Variants in TEDC2 observed in about 807,000 individuals in gnomAD.
The protein encoded by TEDC2 is tubulin epsilon and delta complex 2, also known as tubulin epsilon and delta complex protein 2.
TEDC2 carries 49 observed loss-of-function variants against 48.1 expected under a neutral mutation model. That is an observed-to-expected ratio of 1.02 (90% CI 0.81 to 1.29). The LOEUF (loss-of-function observed/expected upper bound fraction) is 1.29, where lower values mean the gene tolerates loss of function less well. Ranked by LOEUF, TEDC2 falls within the 50% of genes most tolerant of loss-of-function variation. TEDC2 has a pLI of 0.00. For missense variants in TEDC2, 631 were observed against 571.4 expected (o/e 1.10, Z -1.06); for synonymous variants, 299 against 247.1 (o/e 1.21, Z -1.97).
rs747762797 is a variant in TEDC2, at chr16:2,461,750, C to T, written c.609C>T (p.His203=). Residue 203 remains histidine (H), a synonymous_variant, in exon 5 of 10, where the codon CAC becomes CAT. Coordinates refer to ENST00000361837, the MANE Select transcript of TEDC2 (RefSeq NM_025108.3). The part of the protein sequence containing the change: ...PEAFTLKEKG[H]LLRLPAAFRK... ...TGAACACGGGCTTCTCCGACAGGCA[C>T]CTGCTGCGGCTGCCTGCGGCATTCA... 33 of 1,613,182 alleles carry T rather than the reference C, an allele frequency of 2.0e-5. No individual in the cohort carries two copies. In the East Asian group the frequency reaches 2.5e-4, roughly 12 times the overall value.
Position 2,462,720 on chromosome 16 carries a change from G to A in TEDC2, c.952G>A (p.Glu318Lys). Residue 318 changes from glutamate (E) to lysine (K), a missense_variant, in exon 8 of 10, where the codon GAG becomes AAG. By Grantham distance (56) the Glu-to-Lys change is moderately conservative (BLOSUM62 1). Transcript: ENST00000361837. ...GGGCCAGTGTCTGCACAGGCTGCAG[G>A]AGCTGCGTGCAGGTGAGACCCCGCC... ...MVGQCLHRLQ[E>K]LRAAVAEQPP... 1.9e-6 allele frequency: 3 copies of A among 1,542,088 alleles called. No individual in the cohort carries two copies. Among genetic ancestry groups the A allele is most frequent in the Non-Finnish European group, 2.6e-6 (3 of 1,146,228 alleles).
chr16:2,462,089 C>A, intron 5 of TEDC2, 60 bp from the exon 6 acceptor site: 1 of 1,559,206 alleles, frequency 6.4e-7, no homozygotes, highest in Non-Finnish European at 8.8e-7. Context: ...GCCCAGCTTA[C>A]TGGCTGGAAT....
chr16:2,462,010 C>T (rs1299592642), intron 5 of TEDC2, 139 bp from the exon 6 acceptor site: 2 of 1,105,464 alleles, frequency 1.8e-6, no homozygotes, highest in East Asian at 5.1e-5. Context: ...CTGGAGGCCC[C>T]TCCTGGCATT....
In TEDC2 at chr16:2,464,575, G is replaced by A. The variant is rs1443404330; in HGVS notation, c.1209G>A (p.Pro403=). ...TAAGCGCTGCACAGCCGCAGGGGCC[G>A]CCCTGGCTGGCCCTGTGCCGGGCTG... ...PLVSAAQPQG[P]PWLALCRAVH... is the part of the protein sequence containing the mutation. Residue 403 remains proline, a synonymous_variant, in exon 10 of 10, where the codon CCG becomes CCA. Transcript: ENST00000361837. The A allele has an allele frequency of 1.4e-5, 23 of 1,607,274 alleles. No homozygotes were observed. The highest frequency in any genetic ancestry group is 2.7e-5 in the African/African-American group (2 of 74,874).
At chr16:2,461,912 G>A (rs1334266183) in intron 5 of TEDC2, 112 bp downstream of exon 5, 4 of 1,375,580 alleles carry the variant, frequency 2.9e-6, no homozygotes, top group East Asian at 2.3e-5. Context: ...TCTTTGCTGA[G>A]TGGGATCACT....
At position 2,461,766 on chromosome 16, in the gene TEDC2, G is replaced by C; in HGVS notation, c.625G>C (p.Ala209Pro). ...KEKGHLLRLP[A>P]AFRKAASQNS... Reference sequence around the variant, plus strand: ...CGACAGGCACCTGCTGCGGCTGCCTGCGGCATTCAGGAAAGCAGCTTCCCA... The same window carrying C: ...CGACAGGCACCTGCTGCGGCTGCCTCCGGCATTCAGGAAAGCAGCTTCCCA... The change falls in exon 5 of 10, where the codon GCG becomes CCG. Residue 209 changes from alanine (A) to proline (P), a missense_variant. Coordinates refer to ENST00000361837, the MANE Select transcript of TEDC2 (RefSeq NM_025108.3). 1 of 1,613,358 alleles carries C rather than the reference G, an allele frequency of 6.2e-7. No individual in the cohort carries two copies. The highest frequency in any genetic ancestry group is 8.5e-7 in the Non-Finnish European group (1 of 1,180,004).
chr16:2,463,872 C>G, intron 8 of TEDC2, 167 bp from the exon 9 acceptor site: 1 of 722,668 alleles, frequency 1.4e-6, no homozygotes, highest in Non-Finnish European at 2.2e-6. Context: ...TCCCTGCCAG[C>G]AAGTCCAGGC....
Position 2,464,926 on chromosome 16 carries a change from G to A in TEDC2, c.*258G>A. On this transcript the variant is annotated 3_prime_UTR_variant, in exon 10 of 10. Coordinates refer to ENST00000361837, the MANE Select transcript of TEDC2 (RefSeq NM_025108.3). ...CTGTTTTCTCTCACTGTAGACCAAA[G>A]AGCCGCTTGTGTGATATTAAAGCCA... is the stretch of plus-strand genomic sequence containing the variant. The A allele has an allele frequency of 9.4e-6, 5 of 530,430 alleles. No individual in the cohort carries two copies. The South Asian group carries it at 1.1e-4, about 12-fold the overall frequency. 32.9% of individuals were successfully genotyped at this position (530,430 alleles called of 1,614,324 possible). A position where few individuals can be genotyped will look rare whatever the true frequency, so the allele number is the denominator to read the frequency against.
At chr16:2,462,349 A>G in intron 6 of TEDC2, 66 bp from the exon 7 acceptor site, 1 of 1,597,930 alleles carries the variant, frequency 6.3e-7, no homozygotes, top group Non-Finnish European at 8.5e-7. Context: ...GCCACTCCCC[A>G]GGCCCCGTTC....
chr16:2,464,605 C>A lies in TEDC2; in HGVS notation c.1239C>A (p.His413Gln). ...PPWLALCRAV[H>Q]SLLCEGGARV... The stretch of plus-strand genomic sequence containing the variant: ...GGCTGGCCCTGTGCCGGGCTGTGCA[C>A]AGCCTGCTCTGCGAGGGAGGAGCAC... The change falls in exon 10 of 10, where the codon CAC becomes CAA. Residue 413 changes from histidine to glutamine, a missense_variant. Coordinates refer to ENST00000361837, the MANE Select transcript of TEDC2 (RefSeq NM_025108.3). 1 of 1,611,888 alleles carries A rather than the reference C, an allele frequency of 6.2e-7. No individual in the cohort carries two copies. The highest frequency in any genetic ancestry group is 8.5e-7 in the Non-Finnish European group (1 of 1,179,950).
At chr16:2,460,770 G>A in intron 3 of TEDC2, 46 bp from the exon 4 acceptor site, 2 of 1,611,038 alleles carry the variant, frequency 1.2e-6, no homozygotes, top group South Asian at 2.2e-5. Context: ...GAACCCTCCT[G>A]GGGGACAGTG....
At position 2,464,705 on chromosome 16, in the gene TEDC2, G is replaced by T; in HGVS notation, c.*37G>T. On this transcript the variant is annotated 3_prime_UTR_variant, in exon 10 of 10. Coordinates refer to ENST00000361837, the MANE Select transcript of TEDC2 (RefSeq NM_025108.3). Reference sequence around the variant, plus strand: ...GCTGCCCTCGGCCTGTTCAGATGGGGATTGGGGGTGTCTTCCCTGGCACTG... The same window carrying T: ...GCTGCCCTCGGCCTGTTCAGATGGGTATTGGGGGTGTCTTCCCTGGCACTG... 1 of 1,610,818 alleles carries T rather than the reference G, an allele frequency of 6.2e-7. No individual in the cohort carries two copies.
In TEDC2 at chr16:2,464,100, C is replaced by CT. The variant is rs1252772696; in HGVS notation, c.1027dup (p.Cys343LeufsTer4). Reference sequence around the variant, plus strand: ...GGAGGCCCCCCGGAGCCTCGCCGTCCTGTGGGGGTAGAGCGGAGCCTGCAT... The same window carrying CT: ...GGAGGCCCCCCGGAGCCTCGCCGTCCTTGTGGGGGTAGAGCGGAGCCTGCAT... On this transcript the variant is annotated frameshift_variant, in exon 9 of 10. Transcript: ENST00000361837. LOFTEE classifies it high-confidence loss of function. The CT allele has an allele frequency of 6.2e-7, 1 of 1,612,898 alleles. No individual in the cohort carries two copies. Among genetic ancestry groups the CT allele is most frequent in the South Asian group, 1.1e-5 (1 of 91,078 alleles).
rs1192395812 is a variant in TEDC2, at chr16:2,461,702, C to T, written c.606-45C>T. On this transcript the variant is annotated intron_variant, in intron 4 of 9. Transcript: ENST00000361837. ...TGAGCAGGAAGTGGGACTTGTAGACCCCAGAGCAAGGCGATGCTCCTCTGA... is the reference window on the plus strand; with the variant it reads ...TGAGCAGGAAGTGGGACTTGTAGACTCCAGAGCAAGGCGATGCTCCTCTGA... 4 of 1,610,302 alleles carry T rather than the reference C, an allele frequency of 2.5e-6. No individual in the cohort carries two copies. In the African/African-American group the frequency reaches 4.0e-5, roughly 16 times the overall value.
In TEDC2 at chr16:2,460,115, G is replaced by A. The variant is rs1000681638; in HGVS notation, c.-30G>A. 5.2e-6 allele frequency: 7 copies of A among 1,347,966 alleles called. No homozygotes were observed. Among genetic ancestry groups the A allele is most frequent in the Middle Eastern group, 2.8e-4 (1 of 3,620 alleles). 83.5% of individuals were successfully genotyped at this position (1,347,966 alleles called of 1,614,324 possible). ...GGAAGGGGCGTGGCTCTTCAGAGGCGGCAAATTGCAAGGAGACGCCGCCGC... is the reference window on the plus strand; with the variant it reads ...GGAAGGGGCGTGGCTCTTCAGAGGCAGCAAATTGCAAGGAGACGCCGCCGC... On this transcript the variant is annotated 5_prime_UTR_variant, in exon 1 of 10. Coordinates refer to ENST00000361837, the MANE Select transcript of TEDC2 (RefSeq NM_025108.3).
At chr16:2,461,541 C>T (rs1312500084) in intron 4 of TEDC2, 3 of 658,002 alleles carry the variant, frequency 4.6e-6, no homozygotes, top group African/African-American at 1.8e-5. Flanking sequence ...CTCACAGGGC[C>T]CCCTCTTCTC....
chr16:2,460,704 A>G lies in TEDC2; in HGVS notation c.196+11A>G, dbSNP rs753277099. ...AGGACCCCCTTCCAGGTAAACCTCC[A>G]CCACCCGCCTTCTCCAGGTGCTGCT... On this transcript the variant is annotated intron_variant, in intron 3 of 9. Coordinates refer to ENST00000361837, the MANE Select transcript of TEDC2 (RefSeq NM_025108.3). The G allele has an allele frequency of 8.7e-6, 14 of 1,612,764 alleles. No individual in the cohort carries two copies. In the East Asian group the frequency reaches 2.9e-4, roughly 33 times the overall value.
chr16:2,461,766 G>T lies in TEDC2; in HGVS notation c.625G>T (p.Ala209Ser), dbSNP rs2065468346. The change falls in exon 5 of 10, where the codon GCG becomes TCG. Residue 209 changes from alanine (A) to serine (S), a missense_variant. Physicochemically the swap from Ala to Ser is moderately conservative, Grantham distance 99. Coordinates refer to ENST00000361837, the MANE Select transcript of TEDC2 (RefSeq NM_025108.3). ...CGACAGGCACCTGCTGCGGCTGCCT[G>T]CGGCATTCAGGAAAGCAGCTTCCCA... Reference protein sequence around the residue: ...KEKGHLLRLPAAFRKAASQNS... With the variant: ...KEKGHLLRLPSAFRKAASQNS... 1 of 1,613,358 alleles carries T rather than the reference G, an allele frequency of 6.2e-7. No homozygotes were observed. The highest frequency in any genetic ancestry group is 1.6e-4 in the Middle Eastern group (1 of 6,062).
At chr16:2,463,142 A>G (rs1416701115) in intron 8 of TEDC2, among the ~76,000 whole-genome samples, 1 of 151,280 alleles carries the variant, frequency 6.6e-6, no homozygotes, top group Admixed American at 6.6e-5. Context: ...TAACACGGTG[A>G]AACCCTGTCT....
Sources: allele counts gnomAD v4.1 joint callset (sites outside exome capture counted in the v4.1 genomes callset), GRCh38; gene constraint gnomAD v4.1.1; transcripts MANE v1.5; gene names NCBI Gene and HGNC (gene_info 2026-07-23, HGNC 2026-07-21).